Variants in PRELID2 observed in about 807,000 individuals in gnomAD.
The protein encoded by PRELID2 is PRELI domain containing 2, also known as PRELI domain-containing protein 2.
In PRELID2, 25 loss-of-function variants were observed where a neutral mutation model predicts 28.4. The observed-to-expected ratio is 0.88, with a 90% confidence interval of 0.64 to 1.23. PRELID2 has a LOEUF of 1.23. Among genes scored for constraint, PRELID2 ranks in the 50% most tolerant of loss-of-function variants. PRELID2 has a pLI of 0.00. For synonymous variants in PRELID2, 76 were observed against 71.6 expected, an observed-to-expected ratio of 1.06 and a Z score of -0.31; for missense variants, 201 against 214.4, an observed-to-expected ratio of 0.94 and a Z score of 0.39.
chr5:145,426,054 G>T, the PRELID2 span, among the ~76,000 whole-genome samples: 1 of 151,972 alleles, frequency 6.6e-6, no homozygotes, highest in Non-Finnish European at 1.5e-5. Flanking sequence ...CGTGGTGATT[G>T]TTTTCCCCAA....
chr5:145,492,240 C>G (rs1752276020), intron 1 of PRELID2, among the ~76,000 whole-genome samples: 1 of 152,152 alleles, frequency 6.6e-6, no homozygotes, highest in South Asian at 2.1e-4. Context: ...GGTGGTATCT[C>G]ATTGTAGTTT....
At chr5:145,547,532 TA>T (rs1211784219) in intron 1 of PRELID2, among the ~76,000 whole-genome samples, 1 of 152,048 alleles carries the variant, frequency 6.6e-6, no homozygotes, top group African/African-American at 2.4e-5. Flanking sequence ...TGGCTTCAAA[TA>T]AAAAAGTATT....
chr5:145,510,592 A>T (rs114105321), intron 1 of PRELID2, among the ~76,000 whole-genome samples: 3,324 of 152,316 alleles, frequency 0.022, 126 homozygotes, highest in African/African-American at 0.077. Flanking sequence ...CCTCTCACCC[A>T]TGGCTAGAAA....
chr5:145,336,558 A>T, the PRELID2 span, among the ~76,000 whole-genome samples: 133 of 152,096 alleles, frequency 8.7e-4, 3 homozygotes, highest in East Asian at 0.023. Context: ...TGTTTTTCTC[A>T]GGTTTGTCAA....
chr5:145,508,257 CAGATAGATAGATAGAT>C (rs58785072), intron 1 of PRELID2, among the ~76,000 whole-genome samples: 7 of 149,504 alleles, frequency 4.7e-5, no homozygotes, highest in South Asian at 2.1e-4. Context: ...TTTGCATAGA[CAGATAGATAGATAGAT>C]AGATAGATAG....
At chr5:145,491,121 C>T (rs1034222201) in intron 1 of PRELID2, among the ~76,000 whole-genome samples, 1 of 151,944 alleles carries the variant, frequency 6.6e-6, no homozygotes. Context: ...CCAAAAAGAC[C>T]ATGCACAATA....
intron 1 of PRELID2, among the ~76,000 whole-genome samples, chr5:145,543,468 C>A (rs1752761458): frequency 6.6e-6 from 1 of 152,076 alleles, no homozygotes; most frequent in South Asian, 2.1e-4. Flanking sequence ...TCCTGACTGG[C>A]AAGCCCTTTT....
the PRELID2 span, among the ~76,000 whole-genome samples, chr5:145,314,193 C>T: frequency 1.3e-5 from 2 of 152,198 alleles, no homozygotes; most frequent in African/African-American, 4.8e-5. Flanking sequence ...CTCCACAAAG[C>T]AATGGTGCTG....
chr5:145,547,464 A>C (rs533682826), intron 1 of PRELID2, among the ~76,000 whole-genome samples: 9 of 152,338 alleles, frequency 5.9e-5, no homozygotes, highest in African/African-American at 2.2e-4. Context: ...AAATAAACTT[A>C]CACCAACTGT....
chr5:145,663,808 C>G (rs1754538666), intron 1 of PRELID2, among the ~76,000 whole-genome samples: 1 of 151,970 alleles, frequency 6.6e-6, no homozygotes, highest in Non-Finnish European at 1.5e-5. Context: ...GTAACAGAAC[C>G]CAATGCATAG....
intron 1 of PRELID2, among the ~76,000 whole-genome samples, chr5:145,539,273 G>T (rs78017043): frequency 0.07 from 10,641 of 152,086 alleles, 628 homozygotes; most frequent in Admixed American, 0.19. Flanking sequence ...AGAATCACCA[G>T]CTTCAGTACC....
downstream of PRELID2, among the ~76,000 whole-genome samples, chr5:145,469,915 C>T (rs532212570): frequency 6.6e-6 from 1 of 152,214 alleles, no homozygotes; most frequent in South Asian, 2.1e-4. Flanking sequence ...CCAAATAATT[C>T]CCCTAAGTGT....
intron 1 of PRELID2, among the ~76,000 whole-genome samples, chr5:145,510,908 G>C (rs1368834208): frequency 1.3e-5 from 2 of 152,218 alleles, no homozygotes; most frequent in Admixed American, 1.3e-4. Flanking sequence ...TAGGTGCCCA[G>C]TTTTGGAATT....
chr5:145,728,796 T>A (rs1654237), intron 1 of PRELID2: 176,220 of 1,106,814 alleles, frequency 0.16, 15,566 homozygotes, highest in African/African-American at 0.29. Flanking sequence ...GTAGAAGTTG[T>A]ACGTTCCAAT....
chr5:145,439,154 G>T, the PRELID2 span, among the ~76,000 whole-genome samples: 1 of 152,102 alleles, frequency 6.6e-6, no homozygotes. Context: ...AAATGTGTGG[G>T]ATCAGATGGG....
At chr5:145,829,194 C>A (rs940013430) in intron 1 of PRELID2, among the ~76,000 whole-genome samples, 1 of 152,084 alleles carries the variant, frequency 6.6e-6, no homozygotes, top group Non-Finnish European at 1.5e-5. Context: ...AGCCACCATG[C>A]CTGGCCAATA....
the PRELID2 span, among the ~76,000 whole-genome samples, chr5:145,435,163 A>T: frequency 6.6e-6 from 1 of 152,220 alleles, no homozygotes; most frequent in African/African-American, 2.4e-5. Flanking sequence ...GATAGGCAGT[A>T]TACAAATAAA....
intron 1 of PRELID2, among the ~76,000 whole-genome samples, chr5:145,729,670 G>A (rs576879352): frequency 1.8e-4 from 27 of 152,294 alleles, no homozygotes; most frequent in Non-Finnish European, 2.6e-4. Context: ...GTCCGTTGAC[G>A]ATGCGTCCTC....
At chr5:145,807,809 AT>A (rs1753618792) in intron 4 of PRELID2, among the ~76,000 whole-genome samples, 1 of 152,172 alleles carries the variant, frequency 6.6e-6, no homozygotes. Context: ...GTGATGAAGC[AT>A]CTTCTGGGAG....
Sources: gnomAD v4.1 joint callset for allele counts (sites outside exome capture counted in the v4.1 genomes callset) on GRCh38, gnomAD v4.1.1 for gene constraint, MANE v1.5 for transcripts, NCBI Gene and HGNC (gene_info 2026-07-23, HGNC 2026-07-21) for gene names.